The following KIAA1217 variants were observed in gnomAD, a reference collection of about 807,000 sequenced individuals.
The protein encoded by KIAA1217 is KIAA1217.
KIAA1217 carries 88 observed loss-of-function variants against 163.9 expected under a neutral mutation model. That is an observed-to-expected ratio of 0.54 (90% CI 0.45 to 0.64). The LOEUF (loss-of-function observed/expected upper bound fraction) is 0.64. Among genes scored for constraint, KIAA1217 ranks in the 30% least tolerant of loss-of-function variants. KIAA1217 has a pLI of 0.00. For synonymous variants in KIAA1217, 903 were observed against 923.1 expected, an observed-to-expected ratio of 0.98 and a Z score of 0.39; for missense variants, 2,372 against 2,475.0, an observed-to-expected ratio of 0.96 and a Z score of 0.88.
At chr10:24,143,173 A>G (rs1442469256) in intron 2 of KIAA1217, among the ~76,000 whole-genome samples, 1 of 152,186 alleles carries the variant, frequency 6.6e-6, no homozygotes, top group African/African-American at 2.4e-5. Context: ...TGGAACAGGA[A>G]AGCCATTTGG....
chr10:24,487,599 A>C (rs530807012), intron 6 of KIAA1217, among the ~76,000 whole-genome samples: 1 of 152,024 alleles, frequency 6.6e-6, no homozygotes, highest in African/African-American at 2.4e-5. Flanking sequence ...AAGATTAGAA[A>C]TAGCTTTTTC....
At chr10:23,726,697 T>A (rs1838159037) in intron 1 of KIAA1217, among the ~76,000 whole-genome samples, 1 of 151,908 alleles carries the variant, frequency 6.6e-6, no homozygotes, top group African/African-American at 2.4e-5. Context: ...GAACTCAAAT[T>A]TACAAGAAAA....
At position 23,785,226 on chromosome 10, in the gene KIAA1217, G is replaced by T. The variant is rs61451988; in HGVS notation, c.-321+89992G>T. Among the ~76,000 whole-genome samples, 3 of 152,234 alleles carry T rather than the reference G, an allele frequency of 2.0e-5. No individual in the cohort carries two copies. In the South Asian group the frequency reaches 6.2e-4, roughly 32 times the overall value. ...CTCCAGCTACACCCAGAAGTTCCCA[G>T]ATGCGCCATAGGGCCCCAGACCCTT... On this transcript the variant is annotated intron_variant, in intron 1 of 18. Coordinates refer to the KIAA1217 transcript ENST00000376462.
chr10:24,472,059 G>A, intron 5 of KIAA1217, among the ~76,000 whole-genome samples: 1 of 152,120 alleles, frequency 6.6e-6, no homozygotes, highest in African/African-American at 2.4e-5. Flanking sequence ...AAGTAAGCTA[G>A]AGAAAAGCAA....
intron 2 of KIAA1217, among the ~76,000 whole-genome samples, chr10:24,105,984 A>C (rs557386955): frequency 3.3e-5 from 5 of 152,262 alleles, no homozygotes; most frequent in African/African-American, 1.2e-4. Flanking sequence ...GAAGAGTAGA[A>C]GTTATTAGGA....
At chr10:23,929,314 A>AT (rs1317198658) in intron 1 of KIAA1217, among the ~76,000 whole-genome samples, 2 of 151,952 alleles carry the variant, frequency 1.3e-5, no homozygotes, top group Admixed American at 6.6e-5. Context: ...ATTTTATTTT[A>AT]TTTTTTATTT....
chr10:24,048,771 G>A (rs946520117), intron 2 of KIAA1217, among the ~76,000 whole-genome samples: 4 of 150,776 alleles, frequency 2.7e-5, no homozygotes, highest in East Asian at 1.9e-4. Context: ...AGTGGCTCAC[G>A]CCTGTCATCC....
intron 1 of KIAA1217, among the ~76,000 whole-genome samples, chr10:23,852,767 C>G (rs1457436086): frequency 1.3e-5 from 2 of 152,120 alleles, no homozygotes; most frequent in East Asian, 1.9e-4. Flanking sequence ...ATTTTATTCT[C>G]TTTGAAGCAA....
chr10:24,069,177 C>G (rs1458832638), intron 2 of KIAA1217, among the ~76,000 whole-genome samples: 3 of 152,188 alleles, frequency 2.0e-5, no homozygotes, highest in Non-Finnish European at 4.4e-5. Context: ...TCATCAAAGG[C>G]TGAGCATTTG....
intron 2 of KIAA1217, among the ~76,000 whole-genome samples, chr10:24,315,696 G>A (rs893278225): frequency 3.3e-5 from 5 of 151,482 alleles, no homozygotes; most frequent in African/African-American, 1.2e-4. Context: ...AGGCTGCCGC[G>A]AGCTGTGATC....
intron 2 of KIAA1217, among the ~76,000 whole-genome samples, chr10:24,108,917 C>T (rs1241482717): frequency 3.3e-5 from 5 of 152,124 alleles, no homozygotes; most frequent in Non-Finnish European, 7.4e-5. Flanking sequence ...CTGCAACCTC[C>T]GCCTCCCAGG....
chr10:24,163,077 A>G (rs1216338376), intron 2 of KIAA1217, among the ~76,000 whole-genome samples: 7 of 152,186 alleles, frequency 4.6e-5, no homozygotes. Flanking sequence ...GTAGAAGGGG[A>G]GTGTCAGGAA....
intron 1 of KIAA1217, among the ~76,000 whole-genome samples, chr10:23,904,782 C>T (rs944599284): frequency 2.0e-5 from 3 of 152,070 alleles, no homozygotes; most frequent in African/African-American, 7.2e-5. Context: ...AGCAATGACA[C>T]CACATCTACA....
At position 24,153,961 on chromosome 10, in the gene KIAA1217, T is replaced by A. The variant is rs912373200; in HGVS notation, c.-170-65665T>A. 1.7e-3 allele frequency among the ~76,000 whole-genome samples: 259 copies of A among 150,440 alleles called. 2 individuals carry two copies. Among genetic ancestry groups the A allele is most frequent in the African/African-American group, 5.9e-3 (245 of 41,228 alleles). On this transcript the variant is annotated intron_variant, in intron 2 of 18. Coordinates refer to the KIAA1217 transcript ENST00000376462. ...AGACTGTGTCTCTACAAAAAATATT[T>A]TTTTTTTTTTTTTTGAGACGGAGTC...
chr10:24,335,507 C>G (rs201692576), intron 2 of KIAA1217, among the ~76,000 whole-genome samples: 1 of 151,814 alleles, frequency 6.6e-6, no homozygotes, highest in African/African-American at 2.4e-5. Context: ...CTAAAATTAT[C>G]TGCCATGATG....
intron 13 of KIAA1217, among the ~76,000 whole-genome samples, chr10:24,526,731 A>G (rs1396095261): frequency 6.6e-6 from 1 of 152,094 alleles, no homozygotes; most frequent in Non-Finnish European, 1.5e-5. Flanking sequence ...GGCTCGGGGG[A>G]AAGCCAGTGA....
At chr10:24,344,955 A>C (rs867936411) in intron 2 of KIAA1217, among the ~76,000 whole-genome samples, 4 of 152,308 alleles carry the variant, frequency 2.6e-5, no homozygotes, top group Middle Eastern at 3.4e-3. Flanking sequence ...CCAGGTGGCT[A>C]ATCCATCATC....
rs16924846 is a variant in KIAA1217, at chr10:24,524,203, G to A, written c.2457-120G>A. ...GATATGTCTATACATGTCCCTAAGC[G>A]GCTACTCTGAGCTTTGGGATGTGTG... On this transcript the variant is annotated intron_variant, in intron 12 of 20. Transcript: ENST00000376454. The A allele has an allele frequency of 3.4e-3, 3,330 of 970,586 alleles. 75 individuals are homozygous for A. The African/African-American group carries it at 0.047, about 14-fold the overall frequency. 60.1% of individuals were successfully genotyped at this position (970,586 alleles called of 1,614,324 possible). A position where few individuals can be genotyped will look rare whatever the true frequency, so the allele number is the denominator to read the frequency against.
At chr10:24,130,500 A>C (rs1305973631) in intron 2 of KIAA1217, among the ~76,000 whole-genome samples, 1 of 152,192 alleles carries the variant, frequency 6.6e-6, no homozygotes, top group Non-Finnish European at 1.5e-5. Context: ...AAAGCAGTTA[A>C]TGATGATGGT....
Sources: allele counts gnomAD v4.1 joint callset (sites outside exome capture counted in the v4.1 genomes callset), GRCh38; gene constraint gnomAD v4.1.1; transcripts MANE v1.5; gene names NCBI Gene and HGNC (gene_info 2026-07-23, HGNC 2026-07-21).